NPAS3: variants seen among roughly 807,000 people sequenced by gnomAD.
NPAS3 encodes the protein neuronal PAS domain-containing protein 3.
NPAS3 carries 14 observed loss-of-function variants against 73.1 expected under a neutral mutation model. The observed-to-expected ratio is 0.19, with a 90% CI of 0.13 to 0.30. The LOEUF (loss-of-function observed/expected upper bound fraction) is 0.30. NPAS3 is among the 10% of genes least tolerant of loss of function. The probability of loss-of-function intolerance (pLI) is 1.00; values close to 1 mark genes in which losing one functional copy is unlikely to be tolerated. For missense variants in NPAS3, 1,096 were observed against 1,250.0 expected, an observed-to-expected ratio of 0.88 and a Z score of 1.86; for synonymous variants, 620 against 541.5, an observed-to-expected ratio of 1.14 and a Z score of -2.01.
chr14:33,310,805 A>G (rs927118555), intron 3 of NPAS3, among the ~76,000 whole-genome samples: 11 of 140,520 alleles, frequency 7.8e-5, no homozygotes, highest in African/African-American at 3.0e-4. Flanking sequence ...ACACACACAC[A>G]CACACACACA....
At chr14:33,211,294 C>T (rs2047024740) in intron 2 of NPAS3, among the ~76,000 whole-genome samples, 1 of 152,120 alleles carries the variant, frequency 6.6e-6, no homozygotes, top group South Asian at 2.1e-4. Flanking sequence ...AAATTATAGA[C>T]ATTAGGCTGG....
At chr14:33,442,694 C>T (rs2049309246) in intron 4 of NPAS3, among the ~76,000 whole-genome samples, 1 of 152,214 alleles carries the variant, frequency 6.6e-6, no homozygotes, top group Non-Finnish European at 1.5e-5. Flanking sequence ...TTGTAAGTTT[C>T]CTGAGGCCTC....
chr14:33,800,924 T>A lies in NPAS3; in HGVS notation c.2617T>A (p.Tyr873Asn). The change falls in exon 12 of 12, where the codon TAC becomes AAC. Residue 873 changes from tyrosine (Y) to asparagine (N), a missense_variant. Physicochemically the swap from Tyr to Asn is moderately radical, Grantham distance 143 (BLOSUM62 -2). This residue lies in a region of NPAS3 where 698 missense variants were observed against 676.7 expected (regional missense o/e 1.03). Transcript: ENST00000356141. The surrounding 1 kb of genome is among the most constrained non-coding windows in gnomAD (Gnocchi z 6.5). ...CCCCAAGACGCCCATGGAGATGCTCTACCACCACGTGCACCGGCTCAACAT... is the reference window on the plus strand; with the variant it reads ...CCCCAAGACGCCCATGGAGATGCTCAACCACCACGTGCACCGGCTCAACAT... 6.2e-7 allele frequency: 1 copy of A among 1,608,346 alleles called. No individual in the cohort carries two copies. The highest frequency in any genetic ancestry group is 8.5e-7 in the Non-Finnish European group (1 of 1,177,872).
intron 5 of NPAS3, among the ~76,000 whole-genome samples, chr14:33,598,735 T>A (rs1032456034): frequency 2.0e-5 from 3 of 152,206 alleles, no homozygotes; most frequent in African/African-American, 7.2e-5. Context: ...GGGTGATGAC[T>A]TCACAGATTA....
chr14:33,493,485 T>G (rs2139836593), intron 4 of NPAS3, among the ~76,000 whole-genome samples: 1 of 152,234 alleles, frequency 6.6e-6, no homozygotes, highest in South Asian at 2.1e-4. Flanking sequence ...TGAAAGGAAC[T>G]TTCTCACCGA....
intron 2 of NPAS3, among the ~76,000 whole-genome samples, chr14:33,148,190 A>G (rs1157224011): frequency 6.6e-6 from 1 of 152,204 alleles, no homozygotes; most frequent in Admixed American, 6.5e-5. Context: ...TGCTTTTAGC[A>G]AAAATGAGGC....
intron 3 of NPAS3, among the ~76,000 whole-genome samples, chr14:33,328,889 C>T (rs1566801199): frequency 3.3e-5 from 5 of 152,146 alleles, no homozygotes. Flanking sequence ...CAAATTTTAA[C>T]ATAGAGTTTT....
chr14:33,407,964 T>A (rs2047742781), intron 4 of NPAS3, among the ~76,000 whole-genome samples: 1 of 152,126 alleles, frequency 6.6e-6, no homozygotes, highest in Admixed American at 6.6e-5. Flanking sequence ...AAACAAAAGA[T>A]GAACATCAAA....
At chr14:32,975,290 T>TTTCC (rs2037606928) in intron 1 of NPAS3, among the ~76,000 whole-genome samples, 1 of 36,466 alleles carries the variant, frequency 2.7e-5, no homozygotes, top group Non-Finnish European at 7.1e-5. Flanking sequence ...CTTCTATTCC[T>TTTCC]TCCCTCCCTC....
At chr14:33,285,862 C>T (rs1293437602) in intron 3 of NPAS3, among the ~76,000 whole-genome samples, 1 of 152,202 alleles carries the variant, frequency 6.6e-6, no homozygotes, top group Non-Finnish European at 1.5e-5. Flanking sequence ...ATGTATGCCA[C>T]TCCTTCAACT....
chr14:33,360,563 T>A (rs2045551424), intron 3 of NPAS3, among the ~76,000 whole-genome samples: 1 of 152,236 alleles, frequency 6.6e-6, no homozygotes, highest in African/African-American at 2.4e-5. Flanking sequence ...TGACATCAAG[T>A]GGTTGAACCC....
At chr14:33,538,054 T>A (rs904021973) in intron 4 of NPAS3, among the ~76,000 whole-genome samples, 1 of 151,444 alleles carries the variant, frequency 6.6e-6, no homozygotes, top group Non-Finnish European at 1.5e-5. Context: ...GCAGACCACT[T>A]TACATTGGAA....
At chr14:33,073,573 T>G (rs985664332) in intron 2 of NPAS3, among the ~76,000 whole-genome samples, 1 of 152,248 alleles carries the variant, frequency 6.6e-6, no homozygotes, top group East Asian at 1.9e-4. Context: ...GGGTCTCTTC[T>G]TGGAAAGTTG....
chr14:33,152,043 A>T (rs531145191), intron 2 of NPAS3, among the ~76,000 whole-genome samples: 2 of 152,018 alleles, frequency 1.3e-5, no homozygotes, highest in Admixed American at 1.3e-4. Context: ...GCCCCTCCTG[A>T]GGACATTTGT....
At chr14:33,350,404 G>A (rs906856119) in intron 3 of NPAS3, among the ~76,000 whole-genome samples, 1 of 152,088 alleles carries the variant, frequency 6.6e-6, no homozygotes, top group East Asian at 1.9e-4. Flanking sequence ...CTTTTAGGCC[G>A]GCAGTGTGTG....
At position 33,666,645 on chromosome 14, in the gene NPAS3, AT is replaced by A. The variant is rs567239214; in HGVS notation, c.559-9558del. On this transcript the variant is annotated intron_variant, in intron 5 of 11. Coordinates refer to ENST00000356141, the Ensembl canonical transcript of NPAS3. ...TTCATCTACTACATTGTGTTGTCAT[AT>A]TTTTTTTCATATTATTTGACTTTGT... Among the ~76,000 whole-genome samples, 42 of 152,052 alleles carry A rather than the reference AT, an allele frequency of 2.8e-4. 2 individuals carry two copies. Among genetic ancestry groups the A allele is most frequent in the African/African-American group, 8.0e-4 (33 of 41,488 alleles).
At chr14:33,779,196 C>T (rs1367742938) in intron 9 of NPAS3, among the ~76,000 whole-genome samples, 1 of 152,174 alleles carries the variant, frequency 6.6e-6, no homozygotes, top group Non-Finnish European at 1.5e-5. Flanking sequence ...GCTCCCAGCC[C>T]CTGAGCCACA....
intron 2 of NPAS3, among the ~76,000 whole-genome samples, chr14:33,085,797 T>A (rs958985938): frequency 1.3e-5 from 2 of 152,200 alleles, no homozygotes; most frequent in Non-Finnish European, 2.9e-5. Context: ...TTATCTTTTA[T>A]TTTAGATTTA....
chr14:33,229,647 G>A (rs1361904826), intron 3 of NPAS3, among the ~76,000 whole-genome samples: 1 of 152,188 alleles, frequency 6.6e-6, no homozygotes, highest in Admixed American at 6.5e-5. Flanking sequence ...TGGGTTGCTA[G>A]CTCAATGTTT....
Sources: gnomAD v4.1 joint callset for allele counts (sites outside exome capture counted in the v4.1 genomes callset) on GRCh38, gnomAD v4.1.1 for gene constraint, gnomAD v4.1.1 regional missense constraint, Gnocchi (gnomAD v3.1) non-coding constraint, MANE v1.5 for transcripts, NCBI Gene and HGNC (gene_info 2026-07-23, HGNC 2026-07-21) for gene names.